Variants in SLC24A2 observed in about 807,000 individuals in gnomAD.
The protein encoded by SLC24A2 is solute carrier family 24 member 2, also known as sodium/potassium/calcium exchanger 2.
In SLC24A2, 36 loss-of-function variants were observed where a neutral mutation model predicts 62.0. The ratio of observed to expected loss-of-function variants is 0.58; its 90% CI spans 0.44 to 0.77. The LOEUF (loss-of-function observed/expected upper bound fraction) is 0.77. Among genes scored for constraint, SLC24A2 ranks in the 30% least tolerant of loss-of-function variants. The probability of loss-of-function intolerance (pLI) is 0.00; values close to 1 mark genes in which losing one functional copy is unlikely to be tolerated. For synonymous variants in SLC24A2, 358 were observed against 294.0 expected, an observed-to-expected ratio of 1.22 and a Z score of -2.23; for missense variants, 846 against 817.9, an observed-to-expected ratio of 1.03 and a Z score of -0.42.
chr9:19,747,187 A>T (rs1385382394), intron 2 of SLC24A2, among the ~76,000 whole-genome samples: 1 of 152,152 alleles, frequency 6.6e-6, no homozygotes, highest in Non-Finnish European at 1.5e-5. Flanking sequence ...AAAATACTCC[A>T]GATACATGTC....
chr9:19,513,475 A>T lies in SLC24A2; in HGVS notation c.*2678T>A, dbSNP rs143157875. On this transcript the variant is annotated 3_prime_UTR_variant, in exon 11 of 11. Transcript: ENST00000341998. ...TTGTAGGTCAGGCTCAGTGCACATGACTGATGTGGGAACGGGGCTTGGAAA... is the reference window on the plus strand; with the variant it reads ...TTGTAGGTCAGGCTCAGTGCACATGTCTGATGTGGGAACGGGGCTTGGAAA... 6.6e-6 allele frequency: 1 copy of T among 152,036 alleles called. No individual in the cohort carries two copies. The highest frequency in any genetic ancestry group is 2.4e-5 in the African/African-American group (1 of 41,348). 9.4% of individuals were successfully genotyped at this position (152,036 alleles called of 1,614,324 possible).
At chr9:19,551,691 T>C (rs1164926629) in intron 7 of SLC24A2, among the ~76,000 whole-genome samples, 1 of 152,240 alleles carries the variant, frequency 6.6e-6, no homozygotes, top group African/African-American at 2.4e-5. Flanking sequence ...CTCCAGCACC[T>C]GTGTCCCTAC....
chr9:19,669,139 A>G (rs1394854845), intron 2 of SLC24A2, among the ~76,000 whole-genome samples: 1 of 152,216 alleles, frequency 6.6e-6, no homozygotes, highest in Non-Finnish European at 1.5e-5. Context: ...AGGGAAAAGC[A>G]TATGTAATTT....
the SLC24A2 span, among the ~76,000 whole-genome samples, chr9:20,237,016 C>G: frequency 1.4e-4 from 21 of 152,084 alleles, no homozygotes; most frequent in Non-Finnish European, 2.6e-4. Context: ...CCAGGTGTGT[C>G]TCACACTGTC....
the SLC24A2 span, among the ~76,000 whole-genome samples, chr9:19,794,300 C>T: frequency 1.5e-3 from 232 of 151,516 alleles, 1 homozygote; most frequent in African/African-American, 5.5e-3. Context: ...CTTCATTGCA[C>T]CTGAGCACCA....
chr9:19,862,446 T>C, the SLC24A2 span, among the ~76,000 whole-genome samples: 1 of 151,994 alleles, frequency 6.6e-6, no homozygotes, highest in Admixed American at 6.6e-5. Flanking sequence ...GCTAAAACAG[T>C]ACTTCAATCA....
At chr9:19,673,978 T>C (rs1819493822) in intron 2 of SLC24A2, among the ~76,000 whole-genome samples, 1 of 152,202 alleles carries the variant, frequency 6.6e-6, no homozygotes, top group African/African-American at 2.4e-5. Flanking sequence ...TCTGTGAGAT[T>C]TATGCTTTAA....
At chr9:19,676,362 C>G (rs906005725) in intron 2 of SLC24A2, among the ~76,000 whole-genome samples, 21 of 152,236 alleles carry the variant, frequency 1.4e-4, no homozygotes, top group Admixed American at 2.0e-4. Flanking sequence ...CTCTGTCCAT[C>G]TGAGTGGGAG....
the SLC24A2 span, among the ~76,000 whole-genome samples, chr9:20,231,731 A>C: frequency 2.0e-5 from 3 of 151,586 alleles, no homozygotes; most frequent in Non-Finnish European, 4.4e-5. Context: ...TTTATTTCTT[A>C]CTCCTGCCTG....
intron 2 of SLC24A2, among the ~76,000 whole-genome samples, chr9:19,646,303 G>A (rs931057465): frequency 6.6e-6 from 1 of 152,162 alleles, no homozygotes; most frequent in Non-Finnish European, 1.5e-5. Context: ...AAAATCTGAA[G>A]AGAAATTGTG....
intron 2 of SLC24A2, among the ~76,000 whole-genome samples, chr9:19,774,195 T>C (rs989720906): frequency 1.3e-5 from 2 of 151,972 alleles, no homozygotes; most frequent in South Asian, 4.2e-4. Context: ...CTTTGGTGGG[T>C]TGGGGAGGAG....
the SLC24A2 span, among the ~76,000 whole-genome samples, chr9:19,841,517 C>T: frequency 6.6e-6 from 1 of 152,138 alleles, no homozygotes; most frequent in Non-Finnish European, 1.5e-5. Flanking sequence ...TAGGGGAGGG[C>T]ATAATGTGCT....
chr9:20,052,167 T>C, the SLC24A2 span, among the ~76,000 whole-genome samples: 1 of 152,202 alleles, frequency 6.6e-6, no homozygotes, highest in Non-Finnish European at 1.5e-5. Context: ...ACATTTCCAC[T>C]TGGATATAGC....
the SLC24A2 span, among the ~76,000 whole-genome samples, chr9:19,969,705 C>T: frequency 2.6e-5 from 4 of 152,122 alleles, no homozygotes; most frequent in Non-Finnish European, 5.9e-5. Context: ...AGAGAGAGAG[C>T]AGTGATGAAG....
At chr9:20,273,815 C>T in the SLC24A2 span, among the ~76,000 whole-genome samples, 1 of 152,226 alleles carries the variant, frequency 6.6e-6, no homozygotes, top group Non-Finnish European at 1.5e-5. Context: ...CATATTTCTA[C>T]ACAACTATCC....
chr9:19,566,207 A>G (rs1227983427), intron 7 of SLC24A2, among the ~76,000 whole-genome samples: 3 of 150,882 alleles, frequency 2.0e-5, no homozygotes, highest in Non-Finnish European at 3.0e-5. Flanking sequence ...AATTTTTGCA[A>G]TCTACTCATC....
the SLC24A2 span, among the ~76,000 whole-genome samples, chr9:19,946,307 G>A: frequency 2.0e-5 from 3 of 152,124 alleles, no homozygotes; most frequent in Non-Finnish European, 4.4e-5. Flanking sequence ...TAAACCTCTG[G>A]TCTTCATTTA....
At chr9:19,725,075 C>A (rs553999327) in intron 2 of SLC24A2, among the ~76,000 whole-genome samples, 1 of 152,228 alleles carries the variant, frequency 6.6e-6, no homozygotes, top group African/African-American at 2.4e-5. Context: ...ACTGTACATG[C>A]CAGTGGGGTA....
the SLC24A2 span, among the ~76,000 whole-genome samples, chr9:20,281,015 G>A: frequency 6.6e-6 from 1 of 152,100 alleles, no homozygotes; most frequent in East Asian, 1.9e-4. Context: ...CTGCAGCCTC[G>A]ACTTCCTGGG....
Sources: allele counts gnomAD v4.1 joint callset (sites outside exome capture counted in the v4.1 genomes callset), GRCh38; gene constraint gnomAD v4.1.1; transcripts MANE v1.5; gene names NCBI Gene and HGNC (gene_info 2026-07-23, HGNC 2026-07-21).